Variants in PCDHGB2 observed in about 807,000 individuals in gnomAD.
PCDHGB2 encodes the protein protocadherin gamma subfamily B, 2.
Under a neutral mutation model 59.3 loss-of-function variants are expected in PCDHGB2, and 55 were observed. The ratio of observed to expected loss-of-function variants is 0.93; its 90% confidence interval spans 0.75 to 1.16. The LOEUF (loss-of-function observed/expected upper bound fraction) is 1.16. Among genes scored for constraint, PCDHGB2 ranks in the 50% most tolerant of loss-of-function variants. The probability of loss-of-function intolerance (pLI) is 0.00; values close to 1 mark genes in which losing one functional copy is unlikely to be tolerated. For missense variants in PCDHGB2, 1,228 were observed against 1,198.5 expected, an observed-to-expected ratio of 1.02 and a Z score of -0.36; for synonymous variants, 516 against 512.0, an observed-to-expected ratio of 1.01 and a Z score of -0.11.
intron 1 of PCDHGB2, chr5:141,471,535 T>C (rs553186728): frequency 6.6e-6 from 1 of 152,368 alleles, no homozygotes; most frequent in African/African-American, 2.4e-5. Context: ...GAAGCTATGA[T>C]AGCATTTAAG....
At chr5:141,426,538 C>T (rs1038881219) in intron 1 of PCDHGB2, 2 of 346,308 alleles carry the variant, frequency 5.8e-6, no homozygotes, top group Non-Finnish European at 1.2e-5. Context: ...TGGGAACATA[C>T]TTGTGAGTGA....
At chr5:141,469,948 T>C (rs1258593339) in intron 1 of PCDHGB2, among the ~76,000 whole-genome samples, 2 of 152,110 alleles carry the variant, frequency 1.3e-5, no homozygotes, top group Admixed American at 1.3e-4. Flanking sequence ...CTGGCCAGCA[T>C]GGTGAAACCC....
At chr5:141,414,421 A>G (rs1250470349) in intron 1 of PCDHGB2, 1 of 1,613,776 alleles carries the variant, frequency 6.2e-7, no homozygotes, top group African/African-American at 1.3e-5. Flanking sequence ...AGCCCTTGAC[A>G]GGGAACAGGT....
chr5:141,482,967 AGCAGCTACTT>A (rs2099575323), intron 1 of PCDHGB2, among the ~76,000 whole-genome samples: 1 of 58,122 alleles, frequency 1.7e-5, no homozygotes, highest in African/African-American at 2.6e-4. Flanking sequence ...CAGCTACTTG[AGCAGCTACTT>A]GAGAGGTCGA....
Position 141,362,395 on chromosome 5 carries a change from C to T in PCDHGB2, c.2260C>T (p.Leu754=), listed in dbSNP as rs1314760212. The change falls in exon 1 of 4, where the codon CTG becomes TTG. Residue 754 remains leucine (L), a synonymous_variant. Coordinates refer to ENST00000522605, the MANE Select transcript of PCDHGB2 (RefSeq NM_018923.3). The part of the protein sequence containing the change: ...SEGTLPYSYN[L]CVASQSAKTE... ...GGGTACATTGCCCTATTCCTACAAC[C>T]TGTGTGTTGCCTCACAATCAGCCAA... 1 of 1,614,040 alleles carries T rather than the reference C, an allele frequency of 6.2e-7. No individual in the cohort carries two copies. Among genetic ancestry groups the T allele is most frequent in the Admixed American group, 1.7e-5 (1 of 60,034 alleles).
intron 3 of PCDHGB2, among the ~76,000 whole-genome samples, chr5:141,508,841 C>A (rs969875150): frequency 6.6e-6 from 1 of 152,140 alleles, no homozygotes; most frequent in East Asian, 1.9e-4. Context: ...TCCCCTACCC[C>A]TTCCATTCCC....
At chr5:141,418,672 G>A (rs1170411469) in intron 1 of PCDHGB2, 3 of 1,614,022 alleles carry the variant, frequency 1.9e-6, no homozygotes, top group Non-Finnish European at 2.5e-6. Context: ...ACCAGGACGA[G>A]GGCATCAACT....
chr5:141,473,665 T>C (rs1054239218), intron 1 of PCDHGB2, among the ~76,000 whole-genome samples: 1 of 152,142 alleles, frequency 6.6e-6, no homozygotes, highest in Non-Finnish European at 1.5e-5. Context: ...GTGAAGGCCC[T>C]GAGACAGGGA....
At chr5:141,395,901 C>G (rs1019647060) in intron 1 of PCDHGB2, 6 of 152,046 alleles carry the variant, frequency 3.9e-5, no homozygotes, top group African/African-American at 1.4e-4. Flanking sequence ...GCTCCATGCC[C>G]ATGGAGACAT....
chr5:141,374,090 C>T, intron 1 of PCDHGB2: 1 of 1,535,464 alleles, frequency 6.5e-7, no homozygotes, highest in Non-Finnish European at 8.8e-7. Context: ...AGTAATGGCG[C>T]CTCCGCAGAG....
intron 1 of PCDHGB2, chr5:141,374,361 A>G (rs1418865389): frequency 6.2e-7 from 1 of 1,614,016 alleles, no homozygotes; most frequent in East Asian, 2.2e-5. Flanking sequence ...ATAGACCGCG[A>G]GGAGCTCTGT....
rs748803155 is a variant in PCDHGB2, at chr5:141,490,087, G to C, written c.2422-4720G>C. ...CGGCCAACTAGACTATTCTTTTGGAGACCACACATCTGAGGCAGTGCGGAA... is the reference window on the plus strand; with the variant it reads ...CGGCCAACTAGACTATTCTTTTGGACACCACACATCTGAGGCAGTGCGGAA... On this transcript the variant is annotated intron_variant, in intron 1 of 3. Transcript: ENST00000522605. The surrounding 1 kb of genome is among the most constrained non-coding windows in gnomAD (Gnocchi z 5.4). 1.9e-6 allele frequency: 3 copies of C among 1,614,244 alleles called. No individual in the cohort carries two copies. Among genetic ancestry groups the C allele is most frequent in the Non-Finnish European group, 2.5e-6 (3 of 1,180,044 alleles).
intron 1 of PCDHGB2, chr5:141,376,150 C>T (rs1411473107): frequency 1.6e-5 from 26 of 1,613,928 alleles, no homozygotes; most frequent in Non-Finnish European, 2.2e-5. Flanking sequence ...ATTCGGACCT[C>T]ACTCTGTACC....
rs754536860 is a variant in PCDHGB2, at chr5:141,432,221, A to G, written c.2422-62586A>G. The G allele has an allele frequency of 2.5e-6, 4 of 1,614,190 alleles. No homozygotes were observed. The South Asian group carries it at 4.4e-5, about 18-fold the overall frequency. ...CGACTGTGAAGAGAACGCCCAGATC[A>G]CTTATTCCCTGGCTGAGAACACCAT... On this transcript the variant is annotated intron_variant, in intron 1 of 3. Coordinates refer to ENST00000522605, the MANE Select transcript of PCDHGB2 (RefSeq NM_018923.3). The surrounding 1 kb of genome is among the most constrained non-coding windows in gnomAD (Gnocchi z 6.0).
chr5:141,505,494 A>G lies in PCDHGB2; in HGVS notation c.2569+13A>G. ...GCGTCCGCCAGTGGTAAGTGGTGTC[A>G]GTGTGTGTATGGAAGAGTGGGAGAC... is the stretch of plus-strand genomic sequence containing the variant. On this transcript the variant is annotated intron_variant, in intron 3 of 3. Transcript: ENST00000522605. The G allele has an allele frequency of 6.8e-6, 11 of 1,614,198 alleles. No homozygotes were observed. Among genetic ancestry groups the G allele is most frequent in the Non-Finnish European group, 9.3e-6 (11 of 1,180,006 alleles).
chr5:141,414,375 G>C, intron 1 of PCDHGB2: 1 of 1,613,854 alleles, frequency 6.2e-7, no homozygotes, highest in Non-Finnish European at 8.5e-7. Flanking sequence ...AATTAGAAAA[G>C]TCCATTGACA....
chr5:141,447,854 G>A (rs1480134238), intron 1 of PCDHGB2, among the ~76,000 whole-genome samples: 1 of 152,200 alleles, frequency 6.6e-6, no homozygotes, highest in Non-Finnish European at 1.5e-5. Flanking sequence ...GGGAGGCCGA[G>A]GTGGGTGAAT....
chr5:141,511,215 A>G lies in PCDHGB2; in HGVS notation c.*42A>G, dbSNP rs1562250541. On this transcript the variant is annotated 3_prime_UTR_variant, in exon 4 of 4. Coordinates refer to ENST00000522605, the MANE Select transcript of PCDHGB2 (RefSeq NM_018923.3). ...AGAGCCACAGGGCGGCCTCTCCCCA[A>G]CCAGCCCAGCTTCTCCTTACCTGCA... The G allele has an allele frequency of 1.2e-6, 2 of 1,608,380 alleles. No individual in the cohort carries two copies. The highest frequency in any genetic ancestry group is 2.2e-5 in the East Asian group (1 of 44,560).
chr5:141,454,088 T>C (rs2154564493), intron 1 of PCDHGB2, among the ~76,000 whole-genome samples: 1 of 152,342 alleles, frequency 6.6e-6, no homozygotes. Context: ...CAGTGAAATT[T>C]GAATTGAACA....
Sources: gnomAD v4.1 joint callset for allele counts (sites outside exome capture counted in the v4.1 genomes callset) on GRCh38, gnomAD v4.1.1 for gene constraint, Gnocchi (gnomAD v3.1) non-coding constraint, MANE v1.5 for transcripts, NCBI Gene and HGNC (gene_info 2026-07-23, HGNC 2026-07-21) for gene names.